ATP7A: variants seen among roughly 807,000 people sequenced by gnomAD.
The protein encoded by ATP7A is ATPase copper transporting alpha.
A neutral mutation model predicts 83.5 loss-of-function variants in ATP7A; 7 were observed. That is an observed-to-expected ratio of 0.08 (90% CI 0.05 to 0.16). The LOEUF is 0.16. Ranked by LOEUF, ATP7A falls within the 10% of genes least tolerant of loss-of-function variation. The pLI is 1.00. For missense variants in ATP7A, 940 were observed against 1,120.8 expected, an observed-to-expected ratio of 0.84 and a Z score of 2.30; for synonymous variants, 354 against 395.2, an observed-to-expected ratio of 0.90 and a Z score of 1.24.
chrX:77,975,389 C>T (rs1557230157), intron 2 of ATP7A: 1 of 109,645 alleles, frequency 9.1e-6, no homozygotes, highest in Admixed American at 9.9e-5. Context: ...ATCTCAGGAT[C>T]CAAAGAATTA....
chrX:78,021,941 C>A (rs782558464), intron 14 of ATP7A, among the ~76,000 whole-genome samples: 2 of 111,401 alleles, frequency 1.8e-5, no homozygotes, highest in East Asian at 5.6e-4. Context: ...TGTCCACCTA[C>A]GCACTGGGAG....
intron 1 of ATP7A, among the ~76,000 whole-genome samples, chrX:77,913,904 G>T (rs2077172727): frequency 8.9e-6 from 1 of 112,425 alleles, no homozygotes; most frequent in African/African-American, 3.2e-5. Context: ...CTCTAGTGTA[G>T]AAGTCCAGTT....
intron 1 of ATP7A, among the ~76,000 whole-genome samples, chrX:77,915,326 C>CG (rs2077179552): frequency 1.9e-5 from 2 of 103,812 alleles, no homozygotes; most frequent in South Asian, 9.0e-4. Flanking sequence ...CTGTCTTGTC[C>CG]GGAAAAAAAA....
intron 1 of ATP7A, among the ~76,000 whole-genome samples, chrX:77,932,197 C>T (rs1489856059): frequency 2.4e-4 from 26 of 107,483 alleles, no homozygotes; most frequent in African/African-American, 7.2e-4. Context: ...ATGGGGCGGC[C>T]GGGCAGAGAC....
rs183908323 is a variant in ATP7A, at chrX:77,992,623, T to A, written c.1336+2665T>A. ...ACCTATCACCACTTAATTTTTTTTT[T>A]CTTTTTGAGATGGAGTCTTGCTCTT... On this transcript the variant is annotated intron_variant, in intron 4 of 22. Coordinates refer to ENST00000341514, the MANE Select transcript of ATP7A (RefSeq NM_000052.7). Among the ~76,000 whole-genome samples the A allele has an allele frequency of 7.0e-3, 779 of 111,292 alleles. 10 individuals carry two copies. Among genetic ancestry groups the A allele is most frequent in the Non-Finnish European group, 0.01 (535 of 52,953 alleles).
chrX:78,042,343 A>G (rs782368493), intron 19 of ATP7A, among the ~76,000 whole-genome samples: 15 of 111,074 alleles, frequency 1.4e-4, no homozygotes, highest in South Asian at 3.8e-4. Flanking sequence ...GAATTGCTAG[A>G]CCAAATGATG....
chrX:77,915,434 A>G (rs1603368863), intron 1 of ATP7A, among the ~76,000 whole-genome samples: 1 of 110,599 alleles, frequency 9.0e-6, no homozygotes, highest in Non-Finnish European at 1.9e-5. Context: ...CGCAGATTTC[A>G]TACTCCTCTG....
At chrX:77,989,203 G>C (rs782725259) in intron 3 of ATP7A, 30 bp from the exon 4 acceptor site, 7 of 1,183,466 alleles carry the variant, frequency 5.9e-6, no homozygotes, top group Non-Finnish European at 5.7e-6. Context: ...AGGAATAACT[G>C]AATTAATTAT....
intron 1 of ATP7A, among the ~76,000 whole-genome samples, chrX:77,932,740 G>C (rs376630406): frequency 1.2e-3 from 135 of 112,350 alleles, no homozygotes; most frequent in South Asian, 3.3e-3. Flanking sequence ...CCGTCTCCAC[G>C]AAAAAAGTAT....
chrX:77,920,308 C>T (rs2077206387), intron 1 of ATP7A, among the ~76,000 whole-genome samples: 1 of 107,179 alleles, frequency 9.3e-6, no homozygotes. Flanking sequence ...CTCTGCCTCT[C>T]GGGTTCATGC....
rs1557232773 is a variant in ATP7A, at chrX:77,998,481, C to T, written c.1340C>T (p.Thr447Met). 1 of 1,210,570 alleles carries T rather than the reference C, an allele frequency of 8.3e-7. No homozygotes were observed. Among genetic ancestry groups the T allele is most frequent in the Non-Finnish European group, 1.1e-6 (1 of 894,428 alleles). ...DMGFDATLSDTNEPLVVIAQP... is the reference protein window; with the variant it reads ...DMGFDATLSDMNEPLVVIAQP... ...AGAATCTTTCCCTTTCTACCAGACA[C>T]GAATGAGCCGTTGGTAGTAATAGCT... Residue 447 changes from threonine to methionine, a missense_variant, in exon 5 of 23, where the codon ACG becomes ATG. Thr to Met is a moderately conservative substitution (Grantham distance 81, BLOSUM62 -1). Around this residue, in one of 3 missense-constraint regions of ATP7A, gnomAD observed 350 missense variants for 432.8 expected, o/e 0.81. Transcript: ENST00000341514.
intron 17 of ATP7A, among the ~76,000 whole-genome samples, chrX:78,037,450 A>G (rs1289948053): frequency 3.6e-5 from 4 of 112,364 alleles, no homozygotes; most frequent in Admixed American, 9.4e-5. Context: ...TTCTAATATC[A>G]CAGAAAGTTC....
intron 2 of ATP7A, among the ~76,000 whole-genome samples, chrX:77,980,317 G>A (rs148443847): frequency 1.4e-3 from 152 of 110,311 alleles, no homozygotes; most frequent in Non-Finnish European, 2.6e-3. Flanking sequence ...GCGTGGTGTC[G>A]CGCACCTGTA....
chrX:78,026,129 AG>A (rs1221653564), intron 14 of ATP7A, among the ~76,000 whole-genome samples: 5 of 111,816 alleles, frequency 4.5e-5, no homozygotes, highest in Non-Finnish European at 7.5e-5. Flanking sequence ...TCCACTTAAA[AG>A]ACATAGAGTG....
intron 6 of ATP7A, among the ~76,000 whole-genome samples, chrX:78,008,300 T>C (rs1239225745): frequency 8.9e-6 from 1 of 111,929 alleles, no homozygotes; most frequent in Non-Finnish European, 1.9e-5. Flanking sequence ...TTTTGATACT[T>C]TTGTCAGTTT....
chrX:77,938,628 AC>A (rs1557225300), intron 1 of ATP7A, among the ~76,000 whole-genome samples: 1 of 112,144 alleles, frequency 8.9e-6, no homozygotes, highest in Non-Finnish European at 1.9e-5. Flanking sequence ...AGTGAGCTGA[AC>A]CTTTTAATTC....
intron 1 of ATP7A, among the ~76,000 whole-genome samples, chrX:77,914,137 A>C (rs1473998778): frequency 1.2e-4 from 13 of 112,326 alleles, no homozygotes; most frequent in African/African-American, 4.2e-4. Flanking sequence ...ATCATAGCTC[A>C]CTGCAGCCTT....
At chrX:78,004,088 G>A (rs1169308139) in intron 6 of ATP7A, among the ~76,000 whole-genome samples, 7 of 111,815 alleles carry the variant, frequency 6.3e-5, no homozygotes, top group African/African-American at 2.3e-4. Flanking sequence ...ATACAATACA[G>A]ATGTTAAAAG....
chrX:77,982,503 G>A (rs1359998606), intron 2 of ATP7A, among the ~76,000 whole-genome samples: 6 of 112,343 alleles, frequency 5.3e-5, no homozygotes, highest in African/African-American at 1.9e-4. Context: ...AAACTCAAAT[G>A]TGTTTTAAAA....
Sources: gnomAD v4.1 joint callset for allele counts (sites outside exome capture counted in the v4.1 genomes callset) on GRCh38, gnomAD v4.1.1 for gene constraint, gnomAD v4.1.1 regional missense constraint, MANE v1.5 for transcripts, NCBI Gene and HGNC (gene_info 2026-07-23, HGNC 2026-07-21) for gene names.